The following MACROD2 variants were observed in gnomAD, a reference collection of about 807,000 sequenced individuals.
The protein encoded by MACROD2 is mono-ADP ribosylhydrolase 2, also known as ADP-ribose glycohydrolase MACROD2.
A neutral mutation model predicts 70.4 loss-of-function variants in MACROD2; 36 were observed. That is an observed-to-expected ratio of 0.51 (90% CI 0.39 to 0.68). The LOEUF (loss-of-function observed/expected upper bound fraction) is 0.68. Among genes scored for constraint, MACROD2 ranks in the 30% least tolerant of loss-of-function variants. The pLI, the probability that MACROD2 is intolerant of heterozygous loss-of-function variation, is 0.00. For synonymous variants in MACROD2, 172 were observed against 178.8 expected, an observed-to-expected ratio of 0.96 and a Z score of 0.30; for missense variants, 496 against 538.4, an observed-to-expected ratio of 0.92 and a Z score of 0.78.
chr20:15,120,031 A>G (rs2076018785), intron 5 of MACROD2, among the ~76,000 whole-genome samples: 1 of 152,224 alleles, frequency 6.6e-6, no homozygotes, highest in African/African-American at 2.4e-5. Context: ...AAACATATTT[A>G]TCACCCCTAG....
At chr20:16,025,316 C>A (rs928422503) in intron 15 of MACROD2, among the ~76,000 whole-genome samples, 1 of 152,168 alleles carries the variant, frequency 6.6e-6, no homozygotes, top group Admixed American at 6.5e-5. Flanking sequence ...ACAGCTGTGG[C>A]AGCCTGAGAT....
At chr20:14,327,463 A>G in intron 3 of MACROD2, 3 of 1,613,408 alleles carry the variant, frequency 1.9e-6, no homozygotes, top group Non-Finnish European at 2.5e-6. Context: ...GAACAGCCCA[A>G]TTTTAGTCCC....
At chr20:14,684,775 T>C (rs1301823631) in intron 4 of MACROD2, 68 bp from the exon 5 acceptor site, 1 of 1,282,432 alleles carries the variant, frequency 7.8e-7, no homozygotes, top group Non-Finnish European at 1.1e-6. Flanking sequence ...CTCTTCCTCT[T>C]CCCATCTTGA....
chr20:14,719,473 G>GAAAAAAAAAAAAAAAAGAAA (rs11087105), intron 5 of MACROD2, among the ~76,000 whole-genome samples: 1 of 136,322 alleles, frequency 7.3e-6, no homozygotes. Context: ...AAGATAGAAA[G>GAAAAAAAAAAAAAAAAGAAA]AAAAAAAAAA....
intron 6 of MACROD2, among the ~76,000 whole-genome samples, chr20:15,358,041 C>T (rs973433999): frequency 1.3e-5 from 2 of 152,030 alleles, no homozygotes; most frequent in African/African-American, 4.8e-5. Context: ...ATCTCCTGAC[C>T]GCGTGATCCG....
intron 3 of MACROD2, among the ~76,000 whole-genome samples, chr20:14,443,028 G>C (rs529046704): frequency 1.3e-5 from 2 of 151,192 alleles, no homozygotes; most frequent in Non-Finnish European, 2.9e-5. Flanking sequence ...GCAGTGAGCC[G>C]AGATCGCGCC....
intron 5 of MACROD2, among the ~76,000 whole-genome samples, chr20:14,755,400 G>A (rs948150272): frequency 1.3e-5 from 2 of 152,010 alleles, no homozygotes; most frequent in African/African-American, 4.8e-5. Flanking sequence ...TGCCATGTAT[G>A]CTTTTAAAAT....
chr20:15,738,756 A>G (rs2051061966), intron 8 of MACROD2, among the ~76,000 whole-genome samples: 1 of 152,144 alleles, frequency 6.6e-6, no homozygotes, highest in African/African-American at 2.4e-5. Flanking sequence ...GAACCACCTC[A>G]TAATAGGTTT....
At chr20:15,716,788 C>G (rs1600801006) in intron 8 of MACROD2, among the ~76,000 whole-genome samples, 1 of 152,008 alleles carries the variant, frequency 6.6e-6, no homozygotes, top group East Asian at 1.9e-4. Flanking sequence ...ATAACAGGCC[C>G]TAAGTGAAAA....
intron 4 of MACROD2, among the ~76,000 whole-genome samples, chr20:14,579,420 C>T (rs1210344187): frequency 1.3e-5 from 2 of 152,120 alleles, no homozygotes; most frequent in African/African-American, 2.4e-5. Flanking sequence ...GGATTACAGG[C>T]GTGAGCCACC....
chr20:15,361,988 A>G (rs1002931492), intron 6 of MACROD2, among the ~76,000 whole-genome samples: 5 of 151,300 alleles, frequency 3.3e-5, no homozygotes, highest in South Asian at 2.1e-4. Context: ...CCTCTCAAAT[A>G]AGGACAGTCT....
intron 4 of MACROD2, among the ~76,000 whole-genome samples, chr20:14,595,009 A>C (rs907898050): frequency 6.6e-6 from 1 of 152,194 alleles, no homozygotes; most frequent in African/African-American, 2.4e-5. Flanking sequence ...ATAAATATAT[A>C]CATAGAAATA....
At chr20:14,839,440 A>C (rs913641270) in intron 5 of MACROD2, among the ~76,000 whole-genome samples, 3 of 152,150 alleles carry the variant, frequency 2.0e-5, no homozygotes, top group Non-Finnish European at 4.4e-5. Context: ...AGACAAAGAA[A>C]CATGATCTTT....
At chr20:15,785,077 G>A (rs1043677348) in intron 8 of MACROD2, among the ~76,000 whole-genome samples, 2 of 151,414 alleles carry the variant, frequency 1.3e-5, no homozygotes, top group Admixed American at 6.6e-5. Flanking sequence ...GCGTGAACCC[G>A]GGAGGCGGAG....
At chr20:15,870,219 G>C (rs891862853) in intron 9 of MACROD2, among the ~76,000 whole-genome samples, 1 of 139,736 alleles carries the variant, frequency 7.2e-6, no homozygotes, top group Non-Finnish European at 1.5e-5. Context: ...CTGCAAGGCA[G>C]CTTTAGTTGG....
intron 8 of MACROD2, among the ~76,000 whole-genome samples, chr20:15,734,345 C>G (rs1200659416): frequency 6.6e-6 from 1 of 152,086 alleles, no homozygotes; most frequent in Non-Finnish European, 1.5e-5. Flanking sequence ...AGACAATTTT[C>G]CAGTGTCAAC....
intron 15 of MACROD2, among the ~76,000 whole-genome samples, chr20:16,040,595 C>T (rs1050279928): frequency 6.6e-6 from 1 of 151,346 alleles, no homozygotes; most frequent in Non-Finnish European, 1.5e-5. Flanking sequence ...AGCATCTTAT[C>T]GAAGCACCTT....
rs745445338 is a variant in MACROD2, at chr20:15,895,474, G to A, written c.775+9663G>A. Reference sequence around the variant, plus strand: ...CTGGGCAAGGAGTGAGAAAGGGAGCGCCATCCGGCAGGCAGCGGTGGATGA... The same window carrying A: ...CTGGGCAAGGAGTGAGAAAGGGAGCACCATCCGGCAGGCAGCGGTGGATGA... On this transcript the variant is annotated intron_variant, in intron 10 of 17. Transcript: ENST00000684519. Among the ~76,000 whole-genome samples the A allele has an allele frequency of 4.6e-5, 7 of 152,202 alleles. No individual in the cohort carries two copies. The East Asian group carries it at 5.8e-4, about 13-fold the overall frequency.
intron 3 of MACROD2, among the ~76,000 whole-genome samples, chr20:14,229,042 C>T (rs1292338296): frequency 1.3e-5 from 2 of 151,386 alleles, no homozygotes; most frequent in Admixed American, 1.3e-4. Flanking sequence ...AGAACAGTGT[C>T]AGTATTGCTA....
Sources: gnomAD v4.1 joint callset for allele counts (sites outside exome capture counted in the v4.1 genomes callset) on GRCh38, gnomAD v4.1.1 for gene constraint, MANE v1.5 for transcripts, NCBI Gene and HGNC (gene_info 2026-07-23, HGNC 2026-07-21) for gene names.